The following SDF4 variants were observed in gnomAD, a reference collection of about 807,000 sequenced individuals.
SDF4 encodes stromal cell derived factor 4.
In SDF4, 22 loss-of-function variants were observed where a neutral mutation model predicts 34.2. That is an observed-to-expected ratio of 0.64 (90% CI 0.46 to 0.92). The LOEUF is 0.92. SDF4 is among the 40% of genes least tolerant of loss of function. The pLI, the probability that SDF4 is intolerant of heterozygous loss-of-function variation, is 0.00. For missense variants in SDF4, 447 were observed against 499.9 expected, an observed-to-expected ratio of 0.89 and a Z score of 1.01; for synonymous variants, 236 against 203.1, an observed-to-expected ratio of 1.16 and a Z score of -1.38.
chr1:1,217,684 T>A lies in SDF4; in HGVS notation c.896A>T (p.Tyr299Phe), dbSNP rs1220848968. The A allele has an allele frequency of 6.2e-7, 1 of 1,613,652 alleles. No homozygotes were observed. Among genetic ancestry groups the A allele is most frequent in the African/African-American group, 1.3e-5 (1 of 74,926 alleles). The part of the protein sequence containing the change: ...GIVTAEELES[Y>F]MDPMNEYNAL... ...GTTGTACTCGTTCATGGGGTCCATG[T>A]AGCTCTGCGGGCGAGCGGGGCACAG... Residue 299 changes from tyrosine to phenylalanine, a missense_variant, in exon 7 of 7, where the codon TAC (tyrosine) becomes TTC (phenylalanine). Transcript: ENST00000360001. This position sits in a 1 kb window ranked among gnomAD's most constrained non-coding sequence, Gnocchi z 8.5.
chr1:1,228,367 G>A lies in SDF4; in HGVS notation c.305+101C>T, dbSNP rs376667918. 4.6e-5 allele frequency: 61 copies of A among 1,328,970 alleles called. No homozygotes were observed. The Admixed American group carries it at 6.1e-4, about 13-fold the overall frequency. 82.3% of individuals were successfully genotyped at this position (1,328,970 alleles called of 1,614,324 possible). A position where few individuals can be genotyped will look rare whatever the true frequency, so the allele number is the denominator to read the frequency against. The stretch of plus-strand genomic sequence containing the variant: ...ACGTCTTCCCAGCCCGGCAGGTCCC[G>A]ACACAGGGCCCGGCGCCCCCCACCG... On this transcript the variant is annotated intron_variant, in intron 2 of 6. Coordinates refer to ENST00000360001, the MANE Select transcript of SDF4 (RefSeq NM_016176.6).
At position 1,223,605 on chromosome 1, in the gene SDF4, C is replaced by T. The variant is rs1650108190; in HGVS notation, c.442+227G>A. Among the ~76,000 whole-genome samples, 4 of 152,248 alleles carry T rather than the reference C, an allele frequency of 2.6e-5. No homozygotes were observed. In the South Asian group the frequency reaches 6.2e-4, roughly 24 times the overall value. The stretch of plus-strand genomic sequence containing the variant: ...GAAGGCCCCGAAGACATAAGAGGCG[C>T]CCTCCATGGGCCACGCCCAGTGCTT... On this transcript the variant is annotated intron_variant, in intron 3 of 6. Coordinates refer to ENST00000360001, the MANE Select transcript of SDF4 (RefSeq NM_016176.6).
intron 4 of SDF4, among the ~76,000 whole-genome samples, chr1:1,222,353 C>A (rs563946856): frequency 6.6e-6 from 1 of 152,360 alleles, no homozygotes; most frequent in African/African-American, 2.4e-5. Context: ...TCTCCCCTCA[C>A]CTGGCCTTAG....
intron 2 of SDF4, among the ~76,000 whole-genome samples, chr1:1,226,405 C>T (rs1001477299): frequency 2.0e-5 from 3 of 152,078 alleles, no homozygotes; most frequent in African/African-American, 4.8e-5. Flanking sequence ...CAACCCTGTA[C>T]GGTCAGGAGA....
chr1:1,220,794 G>A (rs1649900916), intron 4 of SDF4: 1 of 1,278,050 alleles, frequency 7.8e-7, no homozygotes, highest in Non-Finnish European at 1.0e-6. Context: ...GAGTTGGGGG[G>A]CGGGCACGGG....
intron 4 of SDF4, among the ~76,000 whole-genome samples, chr1:1,221,641 C>CAATTAAA (rs908727092): frequency 2.0e-5 from 3 of 151,994 alleles, no homozygotes; most frequent in Non-Finnish European, 2.9e-5. Flanking sequence ...CACTCTTAAA[C>CAATTAAA]AATTAAAAAT....
rs941242362 is a variant in SDF4, at chr1:1,227,332, G to A, written c.305+1136C>T. 1.7e-5 allele frequency: 2 copies of A among 119,128 alleles called. 1 individual carries two copies. Among genetic ancestry groups the A allele is most frequent in the East Asian group, 5.8e-4 (2 of 3,476 alleles). The allele number at this position is 119,128 out of a possible 1,614,324, so 7.4% of individuals were successfully genotyped here. A position where few individuals can be genotyped will look rare whatever the true frequency, so the allele number is the denominator to read the frequency against. On this transcript the variant is annotated intron_variant, in intron 2 of 6. Coordinates refer to ENST00000360001, the MANE Select transcript of SDF4 (RefSeq NM_016176.6). Reference sequence around the variant, plus strand: ...TCGTGGCCAGGCCCTGCGGGAAGGCGAGCTCGTGGCCAGGCCCGGCGGGAA... The same window carrying A: ...TCGTGGCCAGGCCCTGCGGGAAGGCAAGCTCGTGGCCAGGCCCGGCGGGAA...
intron 4 of SDF4, chr1:1,220,656 C>G (rs1286500130): frequency 1.6e-6 from 2 of 1,289,126 alleles, no homozygotes; most frequent in Non-Finnish European, 2.0e-6. Context: ...TCTAAACACA[C>G]CTCTGCTGAG....
At chr1:1,221,284 T>C (rs1420755528) in intron 4 of SDF4, 1 of 158,140 alleles carries the variant, frequency 6.3e-6, no homozygotes, top group African/African-American at 2.4e-5. Context: ...GGCAGGCGGG[T>C]CACTCGCGCC....
chr1:1,223,890 G>A lies in SDF4; in HGVS notation c.384C>T (p.Phe128=). 6.2e-7 allele frequency: 1 copy of A among 1,609,998 alleles called. No homozygotes were observed. Among genetic ancestry groups the A allele is most frequent in the Non-Finnish European group, 8.5e-7 (1 of 1,179,800 alleles). The change falls in exon 3 of 7, where the codon TTC becomes TTT. Residue 128 remains phenylalanine, a synonymous_variant. Coordinates refer to ENST00000360001, the MANE Select transcript of SDF4 (RefSeq NM_016176.6). ...TCTTGCTCTCCTCCATGGCCTCCTG[G>A]AAGTGCTCGGCCGTCTTCTCCATGA... is the stretch of plus-strand genomic sequence containing the variant. ...RWIMEKTAEH[F]QEAMEESKTH... is the part of the protein sequence containing the mutation.
At chr1:1,220,227 G>A (rs1649848186) in intron 4 of SDF4, 1 of 1,015,430 alleles carries the variant, frequency 9.8e-7, no homozygotes, top group African/African-American at 1.7e-5. Flanking sequence ...AGGATCTGGA[G>A]AGACCCTCCT....
At chr1:1,230,045 C>CA (rs1638445021) in intron 1 of SDF4, among the ~76,000 whole-genome samples, 1 of 152,248 alleles carries the variant, frequency 6.6e-6, no homozygotes, top group South Asian at 2.1e-4. Flanking sequence ...CAGGGGCTCA[C>CA]AGGGCCTCAT....
Position 1,219,306 on chromosome 1 carries a change from C to T in SDF4, c.557-379G>A, listed in dbSNP as rs1410317006. ...CCTGGACCCCCCACACAGCCCAGAC[C>T]TCTCAAGACATGATCCAGAACCTCC... On this transcript the variant is annotated intron_variant, in intron 4 of 6. Transcript: ENST00000360001. 6.9e-6 allele frequency: 8 copies of T among 1,166,212 alleles called. No homozygotes were observed. The East Asian group carries it at 5.3e-4, about 78-fold the overall frequency. 72.2% of individuals were successfully genotyped at this position (1,166,212 alleles called of 1,614,324 possible).
rs1435858615 is a variant in SDF4, at chr1:1,218,939, G to A, written c.557-12C>T. 7.5e-6 allele frequency: 12 copies of A among 1,610,216 alleles called. No homozygotes were observed. The highest frequency in any genetic ancestry group is 3.3e-5 in the South Asian group (3 of 90,628). ...CAGGACTTCCTGTGCTGAGAGGGGCGCAGCCTGTGGGTATCGAGGCCGACA... is the reference window on the plus strand; with the variant it reads ...CAGGACTTCCTGTGCTGAGAGGGGCACAGCCTGTGGGTATCGAGGCCGACA... On this transcript the variant is annotated splice_polypyrimidine_tract_variant and intron_variant, in intron 4 of 6. Coordinates refer to ENST00000360001, the MANE Select transcript of SDF4 (RefSeq NM_016176.6). The surrounding 1 kb of genome is among the most constrained non-coding windows in gnomAD (Gnocchi z 7.9).
At chr1:1,223,786 G>GCCCCCC in intron 3 of SDF4, 46 bp downstream of exon 3, 2 of 585,242 alleles carry the variant, frequency 3.4e-6, no homozygotes, top group African/African-American at 2.0e-5. Flanking sequence ...CCATGGCCCT[G>GCCCCCC]CCCGCCCCGC....
chr1:1,224,073 C>G, intron 2 of SDF4, 105 bp from the exon 3 acceptor site: 1 of 1,543,468 alleles, frequency 6.5e-7, no homozygotes, highest in African/African-American at 1.4e-5. Flanking sequence ...CGTGAACCTG[C>G]CACCAACAGC....
intron 4 of SDF4, chr1:1,220,160 G>C: frequency 4.0e-6 from 4 of 988,772 alleles, no homozygotes; most frequent in Non-Finnish European, 4.8e-6. Flanking sequence ...CCTCAGGCTG[G>C]TGAAGAAGCC....
Position 1,223,113 on chromosome 1 carries a change from A to G in SDF4, c.556+131T>C, listed in dbSNP as rs1650068982. 2.8e-5 allele frequency: 19 copies of G among 682,434 alleles called. No individual in the cohort carries two copies. In the East Asian group the frequency reaches 5.1e-4, roughly 18 times the overall value. 42.3% of individuals were successfully genotyped at this position (682,434 alleles called of 1,614,324 possible). On this transcript the variant is annotated intron_variant, in intron 4 of 6. Coordinates refer to ENST00000360001, the MANE Select transcript of SDF4 (RefSeq NM_016176.6). Reference sequence around the variant, plus strand: ...CAGCACACTCGTACACACGGCACGCACACACGTACTCACGAGCACACGCAC... The same window carrying G: ...CAGCACACTCGTACACACGGCACGCGCACACGTACTCACGAGCACACGCAC...
At position 1,228,931 on chromosome 1, in the gene SDF4, A is replaced by T. The variant is rs1397932171; in HGVS notation, c.-159T>A. 1 of 634,072 alleles carries T rather than the reference A, an allele frequency of 1.6e-6. No individual in the cohort carries two copies. Among genetic ancestry groups the T allele is most frequent in the East Asian group, 2.7e-5 (1 of 36,458 alleles). 39.3% of individuals were successfully genotyped at this position (634,072 alleles called of 1,614,324 possible). On this transcript the variant is annotated 5_prime_UTR_variant, in exon 2 of 7. Transcript: ENST00000360001. ...TCCCCAGGACGGCCGCAGGATGGGGACAAGCAGCTCACAGTCTGCAGAGAG... is the reference window on the plus strand; with the variant it reads ...TCCCCAGGACGGCCGCAGGATGGGGTCAAGCAGCTCACAGTCTGCAGAGAG...
Sources: allele counts gnomAD v4.1 joint callset (sites outside exome capture counted in the v4.1 genomes callset), GRCh38; gene constraint gnomAD v4.1.1; non-coding constraint Gnocchi (gnomAD v3.1); transcripts MANE v1.5; gene names NCBI Gene and HGNC (gene_info 2026-07-23, HGNC 2026-07-21).